The following LRFN5 variants were observed in gnomAD, a reference collection of about 807,000 sequenced individuals.
LRFN5 encodes leucine rich repeat and fibronectin type III domain containing 5, also known as leucine-rich repeat and fibronectin type-III domain-containing protein 5.
LRFN5 carries 24 observed loss-of-function variants against 45.6 expected under a neutral mutation model. The ratio of observed to expected loss-of-function variants is 0.53; its 90% CI spans 0.38 to 0.74. The LOEUF (loss-of-function observed/expected upper bound fraction) is 0.74. Ranked by LOEUF, LRFN5 falls within the 30% of genes least tolerant of loss-of-function variation. The pLI, the probability that LRFN5 is intolerant of heterozygous loss-of-function variation, is 0.00. For synonymous variants in LRFN5, 340 were observed against 313.8 expected (o/e 1.08, Z -0.88); for missense variants, 776 against 861.5 (o/e 0.90, Z 1.24).
intron 2 of LRFN5, among the ~76,000 whole-genome samples, chr14:41,860,531 C>T (rs1027722185): frequency 5.3e-5 from 8 of 152,178 alleles, no homozygotes; most frequent in African/African-American, 1.7e-4. Context: ...GACATAATTA[C>T]ATTGTACACA....
intron 1 of LRFN5, among the ~76,000 whole-genome samples, chr14:41,752,934 AT>A (rs1885202878): frequency 6.6e-6 from 1 of 152,152 alleles, no homozygotes; most frequent in Admixed American, 6.5e-5. Flanking sequence ...TGTTGAATTA[AT>A]TTTTGTATAA....
chr14:41,822,738 G>A (rs1482754834), intron 2 of LRFN5, among the ~76,000 whole-genome samples: 2 of 151,848 alleles, frequency 1.3e-5, no homozygotes, highest in African/African-American at 2.4e-5. Context: ...TGCATCAGTG[G>A]GGTGTTGAAG....
At chr14:41,857,785 A>G (rs1479688290) in intron 2 of LRFN5, among the ~76,000 whole-genome samples, 3 of 152,232 alleles carry the variant, frequency 2.0e-5, no homozygotes, top group Non-Finnish European at 4.4e-5. Context: ...CGATAAGAAG[A>G]TAGCAATTTA....
At chr14:41,823,761 G>A (rs938184054) in intron 2 of LRFN5, among the ~76,000 whole-genome samples, 9 of 152,032 alleles carry the variant, frequency 5.9e-5, no homozygotes, top group Non-Finnish European at 1.0e-4. Context: ...TCTCAAATAG[G>A]TTTTCCAGAC....
chr14:41,805,406 A>G (rs992899389), intron 2 of LRFN5, among the ~76,000 whole-genome samples: 1 of 149,250 alleles, frequency 6.7e-6, no homozygotes, highest in South Asian at 2.1e-4. Flanking sequence ...TTATTTATTT[A>G]TTTATTTATT....
chr14:41,787,226 G>A (rs1170504680), intron 2 of LRFN5, among the ~76,000 whole-genome samples: 2 of 151,894 alleles, frequency 1.3e-5, no homozygotes, highest in South Asian at 2.1e-4. Context: ...ATTGGTTGTT[G>A]GATTCAGGGT....
At chr14:41,813,126 TG>T (rs35225334) in intron 2 of LRFN5, among the ~76,000 whole-genome samples, 20,693 of 152,170 alleles carry the variant, frequency 0.14, 1,487 homozygotes, top group East Asian at 0.22. Flanking sequence ...AAACTACATT[TG>T]TTAATAGTCC....
intron 1 of LRFN5, among the ~76,000 whole-genome samples, chr14:41,733,300 A>G (rs946252695): frequency 6.6e-6 from 1 of 151,462 alleles, no homozygotes; most frequent in Non-Finnish European, 1.5e-5. Flanking sequence ...GTTTAAAGAC[A>G]AATAAATTTG....
intron 1 of LRFN5, among the ~76,000 whole-genome samples, chr14:41,735,083 A>G (rs950461541): frequency 6.6e-6 from 1 of 152,166 alleles, no homozygotes; most frequent in Non-Finnish European, 1.5e-5. Context: ...ATTACAGCAT[A>G]AAAATATTCT....
chr14:41,751,069 T>TAC (rs1229068791), intron 1 of LRFN5, among the ~76,000 whole-genome samples: 1 of 151,826 alleles, frequency 6.6e-6, no homozygotes, highest in Non-Finnish European at 1.5e-5. Context: ...GAGAACATGC[T>TAC]ACTTTTAAAA....
At chr14:41,840,207 C>T (rs997556452) in intron 2 of LRFN5, among the ~76,000 whole-genome samples, 6 of 151,980 alleles carry the variant, frequency 3.9e-5, no homozygotes, top group South Asian at 2.1e-4. Context: ...ATTATATGAC[C>T]TTCAAAAGTT....
chr14:41,809,493 T>A (rs1471224494), intron 2 of LRFN5, among the ~76,000 whole-genome samples: 1 of 151,886 alleles, frequency 6.6e-6, no homozygotes, highest in African/African-American at 2.4e-5. Context: ...AGCTAGGATG[T>A]GACCTGAAAA....
At chr14:41,620,571 G>A (rs930705315) in intron 1 of LRFN5, among the ~76,000 whole-genome samples, 1 of 152,026 alleles carries the variant, frequency 6.6e-6, no homozygotes, top group African/African-American at 2.4e-5. Context: ...ACTAATTTGT[G>A]TAACTTTTTT....
chr14:41,755,045 G>A (rs1885311398), intron 1 of LRFN5, among the ~76,000 whole-genome samples: 1 of 152,134 alleles, frequency 6.6e-6, no homozygotes, highest in African/African-American at 2.4e-5. Context: ...TCAGGAGCAG[G>A]TTGTTCAGTT....
chr14:41,891,202 G>T, intron 3 of LRFN5, 48 bp from the exon 4 acceptor site: 1 of 1,410,286 alleles, frequency 7.1e-7, no homozygotes, highest in Non-Finnish European at 9.9e-7. Flanking sequence ...TTCTGTGTAT[G>T]TGTTTTGTTT....
At chr14:41,716,059 A>G (rs937762658) in intron 1 of LRFN5, among the ~76,000 whole-genome samples, 1 of 152,156 alleles carries the variant, frequency 6.6e-6, no homozygotes, top group South Asian at 2.1e-4. Flanking sequence ...CTTGCACCCT[A>G]TGAAGCCACG....
intron 1 of LRFN5, among the ~76,000 whole-genome samples, chr14:41,722,389 T>G (rs1883756656): frequency 6.6e-6 from 1 of 152,148 alleles, no homozygotes; most frequent in Non-Finnish European, 1.5e-5. Flanking sequence ...TAGTGACCGT[T>G]ACCGGAGAGC....
Position 41,891,659 on chromosome 14 carries a change from A to T in LRFN5, c.1795A>T (p.Asn599Tyr). 1 of 1,614,150 alleles carries T rather than the reference A, an allele frequency of 6.2e-7. No homozygotes were observed. The highest frequency in any genetic ancestry group is 2.2e-5 in the East Asian group (1 of 44,880). Reference sequence around the variant, plus strand: ...CAAACAAGCTGTGGGACACGAAGAGAATGCCCAGTGTTGTAAAGCTACCAG... The same window carrying T: ...CAAACAAGCTGTGGGACACGAAGAGTATGCCCAGTGTTGTAAAGCTACCAG... ...VSKQAVGHEE[N>Y]AQCCKATSDN... Residue 599 changes from asparagine to tyrosine, a missense_variant, in exon 4 of 6, where the codon AAT becomes TAT. Physicochemically the swap from Asn to Tyr is moderately radical, Grantham distance 143 (BLOSUM62 -2). Around this residue, in one of 2 missense-constraint regions of LRFN5, gnomAD observed 465 missense variants for 456.4 expected, o/e 1.02. Coordinates refer to ENST00000298119, the MANE Select transcript of LRFN5 (RefSeq NM_152447.5).
intron 1 of LRFN5, among the ~76,000 whole-genome samples, chr14:41,752,402 G>T (rs867111373): frequency 0.014 from 2,127 of 152,162 alleles, 46 homozygotes; most frequent in African/African-American, 0.047. Context: ...GTGTTCCTAT[G>T]TCTCCACATC....
Sources: gnomAD v4.1 joint callset for allele counts (sites outside exome capture counted in the v4.1 genomes callset) on GRCh38, gnomAD v4.1.1 for gene constraint, gnomAD v4.1.1 regional missense constraint, MANE v1.5 for transcripts, NCBI Gene and HGNC (gene_info 2026-07-23, HGNC 2026-07-21) for gene names.